Variants in LSM14A observed in about 807,000 individuals in gnomAD.
LSM14A encodes the protein protein LSM14 homolog A.
Under a neutral mutation model 52.4 loss-of-function variants are expected in LSM14A, and 14 were observed. That is an observed-to-expected ratio of 0.27 (90% CI 0.18 to 0.42). The LOEUF (loss-of-function observed/expected upper bound fraction) is 0.42, where lower values mean the gene tolerates loss of function less well. Ranked by LOEUF, LSM14A falls within the 10% of genes least tolerant of loss-of-function variation. The pLI, the probability that LSM14A is intolerant of heterozygous loss-of-function variation, is 1.00. For missense variants in LSM14A, 417 were observed against 581.8 expected (o/e 0.72, Z 2.91); for synonymous variants, 185 against 200.3 (o/e 0.92, Z 0.64).
chr19:34,187,366 C>T (rs2070002590), intron 1 of LSM14A, among the ~76,000 whole-genome samples: 1 of 151,850 alleles, frequency 6.6e-6, no homozygotes, highest in African/African-American at 2.4e-5. Flanking sequence ...GCAACCTCCG[C>T]TTCTGGGGTT....
At chr19:34,221,249 T>A in intron 8 of LSM14A, 1 of 441,280 alleles carries the variant, frequency 2.3e-6, no homozygotes, top group Admixed American at 3.7e-5. Flanking sequence ...TGCCCAGCTA[T>A]TTTTTGTATT....
intron 1 of LSM14A, among the ~76,000 whole-genome samples, chr19:34,185,923 T>C (rs2069873630): frequency 6.6e-6 from 1 of 152,252 alleles, no homozygotes; most frequent in African/African-American, 2.4e-5. Context: ...TTTCCCATTC[T>C]ATCAACATCA....
intron 1 of LSM14A, among the ~76,000 whole-genome samples, chr19:34,174,246 G>A (rs1299365408): frequency 6.6e-6 from 1 of 152,222 alleles, no homozygotes; most frequent in East Asian, 1.9e-4. Flanking sequence ...ACCGCGCCCA[G>A]CCTCTGGTAA....
At chr19:34,201,588 G>T (rs988108246) in intron 3 of LSM14A, among the ~76,000 whole-genome samples, 8 of 152,108 alleles carry the variant, frequency 5.3e-5, no homozygotes, top group Non-Finnish European at 1.2e-4. Context: ...TGATCCGCCC[G>T]CCTCAGCCTC....
chr19:34,201,669 A>T (rs1203175067), intron 3 of LSM14A, among the ~76,000 whole-genome samples: 1 of 151,964 alleles, frequency 6.6e-6, no homozygotes, highest in Non-Finnish European at 1.5e-5. Flanking sequence ...CACAAAGTAA[A>T]CCACATTTTA....
intron 4 of LSM14A, among the ~76,000 whole-genome samples, chr19:34,212,871 G>T (rs983464674): frequency 9.9e-5 from 15 of 152,152 alleles, no homozygotes; most frequent in African/African-American, 3.6e-4. Flanking sequence ...TGTAGTACTT[G>T]TGAGCCATAG....
intron 3 of LSM14A, among the ~76,000 whole-genome samples, chr19:34,198,428 A>G (rs2071034678): frequency 1.3e-5 from 2 of 151,844 alleles, no homozygotes; most frequent in South Asian, 4.2e-4. Context: ...AGCCTGACCA[A>G]CATGGAGAAA....
intron 4 of LSM14A, among the ~76,000 whole-genome samples, chr19:34,209,586 G>T (rs982405481): frequency 2.0e-5 from 3 of 152,110 alleles, no homozygotes; most frequent in Non-Finnish European, 4.4e-5. Flanking sequence ...GCTTCTTAAA[G>T]GATTGTTTTA....
In LSM14A at chr19:34,172,512, C is replaced by G. The variant is rs899739532; in HGVS notation, c.-131C>G. The stretch of plus-strand genomic sequence containing the variant: ...GGAGGCTGGGGGAGGGTAGCGGAGC[C>G]GGCGCCGCCGCCATGTTGGGTCTGA... On this transcript the variant is annotated 5_prime_UTR_variant, in exon 1 of 10. Coordinates refer to ENST00000544216, the MANE Select transcript of LSM14A (RefSeq NM_015578.4). 2 of 1,070,250 alleles carry G rather than the reference C, an allele frequency of 1.9e-6. No homozygotes were observed. The highest frequency in any genetic ancestry group is 1.2e-6 in the Non-Finnish European group (1 of 833,986). 66.3% of individuals were successfully genotyped at this position (1,070,250 alleles called of 1,614,324 possible). A position where few individuals can be genotyped will look rare whatever the true frequency, so the allele number is the denominator to read the frequency against.
At chr19:34,203,904 TAA>T (rs199861783) in intron 3 of LSM14A, among the ~76,000 whole-genome samples, 31 of 125,998 alleles carry the variant, frequency 2.5e-4, no homozygotes, top group Admixed American at 4.1e-4. Context: ...AGACTGAATT[TAA>T]AAAAAAAAAA....
At chr19:34,216,561 G>A (rs2072616752) in intron 6 of LSM14A, among the ~76,000 whole-genome samples, 1 of 151,802 alleles carries the variant, frequency 6.6e-6, no homozygotes, top group Non-Finnish European at 1.5e-5. Flanking sequence ...CCGGGTTCAA[G>A]TAATTCTCCT....
intron 1 of LSM14A, among the ~76,000 whole-genome samples, chr19:34,191,685 G>A (rs531734954): frequency 1.3e-5 from 2 of 152,092 alleles, no homozygotes; most frequent in Non-Finnish European, 2.9e-5. Context: ...AGCTCTGTTA[G>A]GCCTTAGGAA....
chr19:34,217,317 T>C (rs1239434926), intron 6 of LSM14A, among the ~76,000 whole-genome samples: 2 of 151,574 alleles, frequency 1.3e-5, no homozygotes, highest in African/African-American at 4.8e-5. Flanking sequence ...GTTTAAGAGC[T>C]GTAGTTTTCT....
intron 4 of LSM14A, among the ~76,000 whole-genome samples, chr19:34,209,668 T>C (rs1050379709): frequency 6.6e-6 from 1 of 152,168 alleles, no homozygotes; most frequent in Non-Finnish European, 1.5e-5. Context: ...TTTATTCTTA[T>C]CTTTGTTTCT....
chr19:34,202,070 C>T (rs940165127), intron 3 of LSM14A, among the ~76,000 whole-genome samples: 4 of 150,348 alleles, frequency 2.7e-5, no homozygotes, highest in African/African-American at 9.8e-5. Flanking sequence ...TGCCTGCCTC[C>T]GCCTCCCAAA....
intron 2 of LSM14A, among the ~76,000 whole-genome samples, chr19:34,195,654 A>G (rs1478461731): frequency 6.6e-6 from 1 of 152,188 alleles, no homozygotes; most frequent in African/African-American, 2.4e-5. Context: ...TATTTTGGTG[A>G]AAGGAAGCCT....
chr19:34,217,570 T>C (rs1478570270), intron 6 of LSM14A, among the ~76,000 whole-genome samples: 1 of 146,390 alleles, frequency 6.8e-6, no homozygotes, highest in African/African-American at 2.5e-5. Flanking sequence ...GTATATGTAC[T>C]CTTCTCTACA....
intron 1 of LSM14A, among the ~76,000 whole-genome samples, chr19:34,181,501 C>T (rs2069479974): frequency 6.6e-6 from 1 of 152,128 alleles, no homozygotes; most frequent in Non-Finnish European, 1.5e-5. Flanking sequence ...GTAGTTAGTT[C>T]TTAGTCTCAT....
At chr19:34,188,179 A>C (rs1461763195) in intron 1 of LSM14A, among the ~76,000 whole-genome samples, 1 of 152,022 alleles carries the variant, frequency 6.6e-6, no homozygotes, top group Non-Finnish European at 1.5e-5. Context: ...CTAGCTACTC[A>C]AGAGACTGAG....
Sources: gnomAD v4.1 joint callset for allele counts (sites outside exome capture counted in the v4.1 genomes callset) on GRCh38, gnomAD v4.1.1 for gene constraint, MANE v1.5 for transcripts, NCBI Gene and HGNC (gene_info 2026-07-23, HGNC 2026-07-21) for gene names.